HS3ST5: variants seen among roughly 807,000 people sequenced by gnomAD.
HS3ST5 encodes heparan sulfate-glucosamine 3-sulfotransferase 5, also known as heparan sulfate glucosamine 3-O-sulfotransferase 5.
HS3ST5 carries 10 observed loss-of-function variants against 25.4 expected under a neutral mutation model. That is an observed-to-expected ratio of 0.39 (90% CI 0.24 to 0.67). HS3ST5 has a LOEUF of 0.67. Among genes scored for constraint, HS3ST5 ranks in the 30% least tolerant of loss-of-function variants. The pLI is 0.44. For missense variants in HS3ST5, 324 were observed against 420.7 expected, an observed-to-expected ratio of 0.77 and a Z score of 2.01; for synonymous variants, 170 against 162.4, an observed-to-expected ratio of 1.05 and a Z score of -0.36.
intron 3 of HS3ST5, among the ~76,000 whole-genome samples, chr6:114,164,176 A>C (rs1779102944): frequency 6.6e-6 from 1 of 152,034 alleles, no homozygotes; most frequent in Non-Finnish European, 1.5e-5. Flanking sequence ...TTGCATAAAA[A>C]CATAATTTGG....
intron 1 of HS3ST5, among the ~76,000 whole-genome samples, chr6:114,240,052 C>T (rs1447950445): frequency 6.6e-6 from 1 of 151,876 alleles, no homozygotes; most frequent in Non-Finnish European, 1.5e-5. Context: ...CTCTCTATTA[C>T]ACTGGCAATC....
At chr6:114,263,425 T>C (rs760238140) in intron 1 of HS3ST5, among the ~76,000 whole-genome samples, 1 of 152,144 alleles carries the variant, frequency 6.6e-6, no homozygotes, top group African/African-American at 2.4e-5. Flanking sequence ...AACAAAACCC[T>C]TGTTAGCTTG....
At chr6:114,210,526 A>T (rs1356090149) in intron 2 of HS3ST5, among the ~76,000 whole-genome samples, 2 of 152,184 alleles carry the variant, frequency 1.3e-5, no homozygotes, top group Non-Finnish European at 2.9e-5. Flanking sequence ...TGAACGCAAA[A>T]CTGATATTTT....
At chr6:114,134,779 C>T (rs1224734900) in intron 3 of HS3ST5, among the ~76,000 whole-genome samples, 1 of 152,158 alleles carries the variant, frequency 6.6e-6, no homozygotes, top group Non-Finnish European at 1.5e-5. Context: ...TAGCCCCTAC[C>T]CTGTATGCAT....
At chr6:114,201,004 G>A (rs886311710) in intron 2 of HS3ST5, among the ~76,000 whole-genome samples, 1 of 152,174 alleles carries the variant, frequency 6.6e-6, no homozygotes, top group African/African-American at 2.4e-5. Context: ...TGAAACTCCA[G>A]TTGAGAAGAC....
intron 3 of HS3ST5, chr6:114,143,470 A>C (rs1778005115): frequency 6.6e-6 from 1 of 152,184 alleles, no homozygotes; most frequent in South Asian, 2.1e-4. Flanking sequence ...AGGTGATTAG[A>C]TATGTAGTAT....
chr6:114,100,613 A>T (rs1319010357), intron 3 of HS3ST5, among the ~76,000 whole-genome samples: 1 of 152,122 alleles, frequency 6.6e-6, no homozygotes, highest in Non-Finnish European at 1.5e-5. Context: ...AGGAAGTTTA[A>T]CTGTTTTTCC....
chr6:114,316,148 T>C (rs1484420805), intron 1 of HS3ST5, among the ~76,000 whole-genome samples: 5 of 152,246 alleles, frequency 3.3e-5, no homozygotes, highest in Admixed American at 3.3e-4. Context: ...TTTATTGTAA[T>C]ATAAAGTGAA....
chr6:114,275,312 T>G (rs1214555741), intron 1 of HS3ST5, among the ~76,000 whole-genome samples: 1 of 152,072 alleles, frequency 6.6e-6, no homozygotes, highest in African/African-American at 2.4e-5. Flanking sequence ...AACATATAAC[T>G]AATTATACAA....
intron 1 of HS3ST5, among the ~76,000 whole-genome samples, chr6:114,248,009 A>G (rs1582756004): frequency 6.6e-6 from 1 of 151,568 alleles, no homozygotes; most frequent in Non-Finnish European, 1.5e-5. Flanking sequence ...AGACCAGCCC[A>G]GCCAACATGG....
intron 1 of HS3ST5, among the ~76,000 whole-genome samples, chr6:114,240,093 C>T (rs1278560386): frequency 6.6e-6 from 1 of 152,020 alleles, no homozygotes; most frequent in Non-Finnish European, 1.5e-5. Flanking sequence ...ACTTTAACTA[C>T]TATTTAACGA....
At chr6:114,216,728 TAA>T (rs760077446) in intron 2 of HS3ST5, among the ~76,000 whole-genome samples, 22 of 90,152 alleles carry the variant, frequency 2.4e-4, no homozygotes, top group African/African-American at 5.0e-4. Context: ...TCGTCCTCCT[TAA>T]AAAAAAAAAA....
At chr6:114,222,693 G>A (rs1782098427) in intron 2 of HS3ST5, among the ~76,000 whole-genome samples, 1 of 151,942 alleles carries the variant, frequency 6.6e-6, no homozygotes, top group Admixed American at 6.6e-5. Context: ...GAAGAACAAA[G>A]TGAGTTACCT....
In HS3ST5 at chr6:114,290,526, G is replaced by A. The variant is rs1337656689; in HGVS notation, c.-339+51669C>T. Among the ~76,000 whole-genome samples, 6 of 152,118 alleles carry A rather than the reference G, an allele frequency of 3.9e-5. No individual in the cohort carries two copies. The South Asian group carries it at 6.2e-4, about 16-fold the overall frequency. On this transcript the variant is annotated intron_variant, in intron 1 of 4. Coordinates refer to ENST00000312719, the MANE Select transcript of HS3ST5 (RefSeq NM_153612.4). ...TAACAGAGAAGATCACACAGAAACC[G>A]GTAATGCCAAAAGGGGTTTTATTTT...
At chr6:114,267,482 G>A (rs1018258726) in intron 1 of HS3ST5, among the ~76,000 whole-genome samples, 17 of 152,322 alleles carry the variant, frequency 1.1e-4, no homozygotes, top group Admixed American at 4.6e-4. Flanking sequence ...GTGAGGAAGG[G>A]TGAAGCAGAT....
chr6:114,096,072 G>A (rs1775408940), intron 3 of HS3ST5, among the ~76,000 whole-genome samples: 1 of 152,132 alleles, frequency 6.6e-6, no homozygotes, highest in South Asian at 2.1e-4. Context: ...TTCCATGGAT[G>A]TATTTTAAAC....
At chr6:114,325,403 AG>A (rs1776134274) in intron 1 of HS3ST5, among the ~76,000 whole-genome samples, 1 of 152,246 alleles carries the variant, frequency 6.6e-6, no homozygotes, top group Non-Finnish European at 1.5e-5. Flanking sequence ...ATGTTAGGAC[AG>A]AACATGATGA....
chr6:114,175,000 A>G (rs1779661058), intron 2 of HS3ST5, among the ~76,000 whole-genome samples: 1 of 152,184 alleles, frequency 6.6e-6, no homozygotes, highest in Non-Finnish European at 1.5e-5. Context: ...AAAAAGAAAA[A>G]AGAAAAGTGC....
intron 2 of HS3ST5, among the ~76,000 whole-genome samples, chr6:114,185,968 G>A (rs753616718): frequency 6.6e-6 from 1 of 151,922 alleles, no homozygotes; most frequent in Non-Finnish European, 1.5e-5. Context: ...GATCTTTGAT[G>A]TTACTACTGT....
Sources: gnomAD v4.1 joint callset for allele counts (sites outside exome capture counted in the v4.1 genomes callset) on GRCh38, gnomAD v4.1.1 for gene constraint, MANE v1.5 for transcripts, NCBI Gene and HGNC (gene_info 2026-07-23, HGNC 2026-07-21) for gene names.